GPATCH2: variants seen among roughly 807,000 people sequenced by gnomAD.
GPATCH2 encodes the protein G patch domain-containing protein 2.
Under a neutral mutation model 58.0 loss-of-function variants are expected in GPATCH2, and 51 were observed. The ratio of observed to expected loss-of-function variants is 0.88; its 90% CI spans 0.70 to 1.11. GPATCH2 has a LOEUF of 1.11. GPATCH2 is among the 50% of genes most tolerant of loss of function. GPATCH2 has a pLI of 0.00. For missense variants in GPATCH2, 625 were observed against 652.2 expected (o/e 0.96, Z 0.45); for synonymous variants, 222 against 218.5 (o/e 1.02, Z -0.14).
At chr1:217,531,067 ACAC>A (rs1382055021) in intron 5 of GPATCH2, among the ~76,000 whole-genome samples, 1 of 96,038 alleles carries the variant, frequency 1.0e-5, no homozygotes, top group African/African-American at 3.0e-5. Context: ...ACACACACAC[ACAC>A]ACTTTATTTA....
intron 5 of GPATCH2, among the ~76,000 whole-genome samples, chr1:217,599,013 T>C (rs1226988600): frequency 6.6e-6 from 1 of 151,950 alleles, no homozygotes; most frequent in Non-Finnish European, 1.5e-5. Context: ...AGGTACAGAA[T>C]TGAACTGATA....
intron 8 of GPATCH2, 82 bp from the exon 9 acceptor site, chr1:217,449,419 A>T (rs1659555155): frequency 1.2e-6 from 1 of 822,154 alleles, no homozygotes; most frequent in African/African-American, 1.7e-5. Flanking sequence ...TCTGAACCTA[A>T]ATCAAAACGT....
chr1:217,623,866 C>T (rs1669322266), intron 1 of GPATCH2, among the ~76,000 whole-genome samples: 1 of 152,014 alleles, frequency 6.6e-6, no homozygotes, highest in Admixed American at 6.5e-5. Context: ...CGCAACATTG[C>T]ACTCCAGCCT....
intron 5 of GPATCH2, among the ~76,000 whole-genome samples, chr1:217,586,210 T>C (rs1667333814): frequency 6.6e-6 from 1 of 152,218 alleles, no homozygotes; most frequent in Non-Finnish European, 1.5e-5. Context: ...TAAATTAACC[T>C]TGGTTTATTG....
chr1:217,523,433 TAATCCATTTAAC>T (rs895813506), intron 5 of GPATCH2, among the ~76,000 whole-genome samples: 2 of 151,628 alleles, frequency 1.3e-5, no homozygotes, highest in Non-Finnish European at 2.9e-5. Flanking sequence ...GCACCGCCCT[TAATCCATTTAAC>T]CCTGAGTGGA....
rs193016871 is a variant in GPATCH2 at position 217,551,851 on chromosome 1, T to C, written c.1099-36962A>G. ...GTATAAGGAAGGTCAAATGGCATGA[T>C]TGCCGATGACAAAATAACTACATAT... On this transcript the variant is annotated intron_variant, in intron 5 of 9. Transcript: ENST00000366935. Among the ~76,000 whole-genome samples, 436 of 152,306 alleles carry C rather than the reference T, an allele frequency of 2.9e-3. 1 individual carries two copies. The highest frequency in any genetic ancestry group is 9.7e-3 in the African/African-American group (404 of 41,586).
intron 9 of GPATCH2, among the ~76,000 whole-genome samples, chr1:217,436,959 C>A (rs1233024328): frequency 6.6e-6 from 1 of 152,146 alleles, no homozygotes; most frequent in Admixed American, 6.5e-5. Context: ...TGAATAGGAA[C>A]AGCTCCAGTC....
intron 5 of GPATCH2, among the ~76,000 whole-genome samples, chr1:217,542,222 A>G (rs4846419): frequency 0.58 from 88,629 of 151,990 alleles, 26,863 homozygotes; most frequent in East Asian, 0.93. Context: ...TACTGATTGT[A>G]AGTGACAGTG....
chr1:217,545,925 A>C (rs1294463674), intron 5 of GPATCH2, among the ~76,000 whole-genome samples: 1 of 152,204 alleles, frequency 6.6e-6, no homozygotes, highest in African/African-American at 2.4e-5. Context: ...CCATTTCAAT[A>C]ATTTTCTCTG....
At chr1:217,584,344 A>AAAT (rs1463910405) in intron 5 of GPATCH2, among the ~76,000 whole-genome samples, 1 of 101,874 alleles carries the variant, frequency 9.8e-6, no homozygotes, top group Non-Finnish European at 1.9e-5. Context: ...AAAAAAAAAA[A>AAAT]ATATATATAT....
intron 8 of GPATCH2, among the ~76,000 whole-genome samples, chr1:217,452,848 G>C (rs1659731600): frequency 1.3e-5 from 2 of 152,056 alleles, no homozygotes; most frequent in South Asian, 2.1e-4. Context: ...CTGAAGACCT[G>C]AGCCATAAGA....
intron 5 of GPATCH2, among the ~76,000 whole-genome samples, chr1:217,604,218 G>A (rs1281499309): frequency 3.3e-5 from 5 of 151,550 alleles, no homozygotes; most frequent in Non-Finnish European, 7.4e-5. Flanking sequence ...GTGCACAGTG[G>A]CACACAAATG....
At chr1:217,477,957 A>C (rs1558420471) in intron 8 of GPATCH2, among the ~76,000 whole-genome samples, 1 of 152,192 alleles carries the variant, frequency 6.6e-6, no homozygotes, top group Non-Finnish European at 1.5e-5. Flanking sequence ...AGAACAAGAG[A>C]GAAACTATGT....
At chr1:217,606,827 T>C (rs909618411) in intron 5 of GPATCH2, among the ~76,000 whole-genome samples, 1 of 152,204 alleles carries the variant, frequency 6.6e-6, no homozygotes, top group African/African-American at 2.4e-5. Flanking sequence ...CCAGCTATTG[T>C]GTTTAATATA....
intron 5 of GPATCH2, among the ~76,000 whole-genome samples, chr1:217,577,523 CATA>C (rs1384700698): frequency 6.6e-6 from 1 of 152,084 alleles, no homozygotes; most frequent in African/African-American, 2.4e-5. Context: ...AAAAACTTTG[CATA>C]ATATTTAATT....
At chr1:217,472,296 C>CTTT (rs11326840) in intron 8 of GPATCH2, among the ~76,000 whole-genome samples, 23 of 89,986 alleles carry the variant, frequency 2.6e-4, no homozygotes, top group South Asian at 3.7e-4. Flanking sequence ...TTTCAACAGA[C>CTTT]TTTTTTTTTT....
intron 5 of GPATCH2, among the ~76,000 whole-genome samples, chr1:217,521,509 T>C (rs1663457317): frequency 6.6e-6 from 1 of 152,180 alleles, no homozygotes; most frequent in Admixed American, 6.5e-5. Context: ...CTGGGTAGCA[T>C]GCGGGCTATT....
intron 5 of GPATCH2, among the ~76,000 whole-genome samples, chr1:217,545,805 C>T (rs185821758): frequency 2.2e-4 from 34 of 152,154 alleles, no homozygotes; most frequent in Admixed American, 2.0e-4. Context: ...AACTACAAAG[C>T]GTCAAATAAA....
At chr1:217,592,983 C>T (rs2102771602) in intron 5 of GPATCH2, among the ~76,000 whole-genome samples, 1 of 152,044 alleles carries the variant, frequency 6.6e-6, no homozygotes, top group African/African-American at 2.4e-5. Context: ...CTAACAACCT[C>T]TTAAGTGCTT....
Sources: gnomAD v4.1 joint callset for allele counts (sites outside exome capture counted in the v4.1 genomes callset) on GRCh38, gnomAD v4.1.1 for gene constraint, MANE v1.5 for transcripts, NCBI Gene and HGNC (gene_info 2026-07-23, HGNC 2026-07-21) for gene names.